SAE1: variants seen among roughly 807,000 people sequenced by gnomAD.
SAE1 encodes SUMO-activating enzyme subunit 1.
In SAE1, 11 loss-of-function variants were observed where a neutral mutation model predicts 40.6. That is an observed-to-expected ratio of 0.27 (90% CI 0.17 to 0.45). SAE1 has a LOEUF of 0.45. Ranked by LOEUF, SAE1 falls within the 20% of genes least tolerant of loss-of-function variation. SAE1 has a pLI of 1.00. For synonymous variants in SAE1, 155 were observed against 154.3 expected (o/e 1.00, Z -0.03); for missense variants, 373 against 427.3 (o/e 0.87, Z 1.12).
Position 47,169,876 on chromosome 19 carries a change from C to T in SAE1, c.686C>T (p.Ala229Val). Reference protein sequence around the residue: ...ALEVDWSSEKAKAALKRTTSD... With the variant: ...ALEVDWSSEKVKAALKRTTSD... ...GAGGTGGACTGGAGCAGTGAGAAAG[C>T]AAAGGCTGCTCTGAAGCGCACGACC... is the stretch of plus-strand genomic sequence containing the variant. The change falls in exon 6 of 9, where the codon GCA becomes GTA. Residue 229 changes from alanine to valine, a missense_variant. Physicochemically the swap from Ala to Val is moderately conservative, Grantham distance 64 (BLOSUM62 0). Around this residue, in one of 3 missense-constraint regions of SAE1, gnomAD observed 351 missense variants for 390.6 expected, o/e 0.90. Transcript: ENST00000270225. 6.2e-7 allele frequency: 1 copy of T among 1,614,172 alleles called. No individual in the cohort carries two copies. The highest frequency in any genetic ancestry group is 8.5e-7 in the Non-Finnish European group (1 of 1,180,008).
At chr19:47,171,328 C>G (rs1197839385) in intron 6 of SAE1, among the ~76,000 whole-genome samples, 1 of 150,576 alleles carries the variant, frequency 6.6e-6, no homozygotes, top group Non-Finnish European at 1.5e-5. Flanking sequence ...GAGTCTAGCT[C>G]TGTCGCCCAG....
At chr19:47,151,583 G>A (rs1395186235) in intron 3 of SAE1, among the ~76,000 whole-genome samples, 1 of 152,084 alleles carries the variant, frequency 6.6e-6, no homozygotes, top group Non-Finnish European at 1.5e-5. Flanking sequence ...GCAGTTTTCT[G>A]CCTCAGCCTC....
At chr19:47,173,063 C>G (rs1051356821) in intron 6 of SAE1, among the ~76,000 whole-genome samples, 1 of 152,146 alleles carries the variant, frequency 6.6e-6, no homozygotes, top group Non-Finnish European at 1.5e-5. Context: ...GAGTCTTGCT[C>G]TATCACCCAG....
At chr19:47,151,159 TTTTA>T (rs2058285609) in intron 3 of SAE1, among the ~76,000 whole-genome samples, 1 of 152,044 alleles carries the variant, frequency 6.6e-6, no homozygotes, top group African/African-American at 2.4e-5. Flanking sequence ...TTGCACCTTT[TTTTA>T]TTTGAGATGG....
rs553809020 is a variant in SAE1 at position 47,174,382 on chromosome 19, A to C, written c.733+4459A>C. On this transcript the variant is annotated intron_variant, in intron 6 of 8. Coordinates refer to ENST00000270225, the MANE Select transcript of SAE1 (RefSeq NM_005500.3). ...TTAAGCGTATAGGTCAGTAATAATCATACAATGTTTTATTTTATTTTGTTT... is the reference window on the plus strand; with the variant it reads ...TTAAGCGTATAGGTCAGTAATAATCCTACAATGTTTTATTTTATTTTGTTT... 8.0e-5 allele frequency among the ~76,000 whole-genome samples: 12 copies of C among 150,268 alleles called. No homozygotes were observed. In the South Asian group the frequency reaches 2.5e-3, roughly 32 times the overall value.
intron 6 of SAE1, among the ~76,000 whole-genome samples, chr19:47,184,825 T>C (rs1414747900): frequency 1.3e-5 from 2 of 151,548 alleles, no homozygotes. Context: ...TTTGTTTTGT[T>C]TTGTTTTGTT....
intron 1 of SAE1, among the ~76,000 whole-genome samples, chr19:47,139,936 CTT>C (rs34575308): frequency 2.9e-3 from 324 of 111,526 alleles, no homozygotes; most frequent in Non-Finnish European, 4.5e-3. Context: ...TTGGGTATTT[CTT>C]TTTTTTTTTT....
At position 47,152,880 on chromosome 19, in the gene SAE1, A is replaced by G; in HGVS notation, c.385-18A>G. On this transcript the variant is annotated intron_variant, in intron 3 of 8. Coordinates refer to ENST00000270225, the MANE Select transcript of SAE1 (RefSeq NM_005500.3). ...AGTTTGCAAAACTCAAACCCAGCCA[A>G]TTTCTTTCTTTCTGCAGGTGTGTCT... 6.2e-7 allele frequency: 1 copy of G among 1,609,052 alleles called. No homozygotes were observed. Among genetic ancestry groups the G allele is most frequent in the Non-Finnish European group, 8.5e-7 (1 of 1,178,426 alleles).
At chr19:47,199,647 C>T (rs960820180) in intron 7 of SAE1, among the ~76,000 whole-genome samples, 8 of 152,130 alleles carry the variant, frequency 5.3e-5, no homozygotes, top group South Asian at 2.1e-4. Context: ...TGCACACTCA[C>T]GGCCCAGCAC....
intron 1 of SAE1, among the ~76,000 whole-genome samples, chr19:47,140,096 C>G (rs1363414825): frequency 6.6e-6 from 1 of 151,162 alleles, no homozygotes; most frequent in Non-Finnish European, 1.5e-5. Flanking sequence ...TGCCACCACT[C>G]CCGGCTAATT....
chr19:47,144,356 G>A (rs2058241891), intron 2 of SAE1, among the ~76,000 whole-genome samples: 1 of 148,702 alleles, frequency 6.7e-6, no homozygotes, highest in Admixed American at 6.7e-5. Flanking sequence ...ATTAATGAAA[G>A]GTGTTTCAGG....
intron 2 of SAE1, among the ~76,000 whole-genome samples, chr19:47,149,544 G>A (rs1207177423): frequency 6.6e-6 from 1 of 152,050 alleles, no homozygotes; most frequent in African/African-American, 2.4e-5. Flanking sequence ...TTCCCCAAAT[G>A]CTTATAGTTG....
chr19:47,204,183 C>G (rs964084365), intron 8 of SAE1, among the ~76,000 whole-genome samples: 14 of 140,212 alleles, frequency 1.0e-4, no homozygotes, highest in African/African-American at 3.6e-4. Flanking sequence ...CATCAAAGCC[C>G]TCCCTTTTTT....
At chr19:47,209,113 C>G (rs1007025742) in intron 8 of SAE1, 46 bp from the exon 9 acceptor site, 5 of 1,590,902 alleles carry the variant, frequency 3.1e-6, no homozygotes, top group Non-Finnish European at 4.3e-6. Context: ...CCCTCTATTC[C>G]TCTTAAAGCA....
chr19:47,188,982 C>T (rs1022121220), intron 6 of SAE1, among the ~76,000 whole-genome samples: 2 of 152,178 alleles, frequency 1.3e-5, no homozygotes, highest in Non-Finnish European at 2.9e-5. Context: ...TTGTTATCTC[C>T]TGTGTAGTTT....
chr19:47,184,292 A>G (rs1223033985), intron 6 of SAE1, among the ~76,000 whole-genome samples: 1 of 152,134 alleles, frequency 6.6e-6, no homozygotes, highest in Non-Finnish European at 1.5e-5. Context: ...AGAGGTTAAG[A>G]ATGTGGTGAC....
chr19:47,189,118 T>G (rs1383911704), intron 6 of SAE1, among the ~76,000 whole-genome samples: 1 of 152,216 alleles, frequency 6.6e-6, no homozygotes, highest in East Asian at 1.9e-4. Context: ...TGACTGAATG[T>G]CAGGCCCAGG....
intron 6 of SAE1, among the ~76,000 whole-genome samples, chr19:47,184,297 G>GAC: frequency 6.6e-6 from 1 of 152,262 alleles, no homozygotes; most frequent in Admixed American, 6.5e-5. Context: ...TTAAGAATGT[G>GAC]GTGACTTTTA....
rs569646417 is a variant in SAE1, at chr19:47,203,840, C to G, written c.948+100C>G. ...TCTTAGACAGCTGCCTGCTTTCTCT[C>G]ACCCCATTCATCTTTGTTTCATGCC... On this transcript the variant is annotated intron_variant, in intron 8 of 8. Transcript: ENST00000270225. 7.8e-5 allele frequency: 82 copies of G among 1,046,426 alleles called. No homozygotes were observed. The African/African-American group carries it at 1.0e-3, about 13-fold the overall frequency. The allele number at this position is 1,046,426 out of a possible 1,614,324, so 64.8% of individuals were successfully genotyped here.
Sources: allele counts gnomAD v4.1 joint callset (sites outside exome capture counted in the v4.1 genomes callset), GRCh38; gene constraint gnomAD v4.1.1; regional missense constraint gnomAD v4.1.1; transcripts MANE v1.5; gene names NCBI Gene and HGNC (gene_info 2026-07-23, HGNC 2026-07-21).